PTBP1: variants seen among roughly 807,000 people sequenced by gnomAD.
PTBP1 encodes polypyrimidine tract-binding protein 1.
PTBP1 carries 8 observed loss-of-function variants against 59.8 expected under a neutral mutation model. The ratio of observed to expected loss-of-function variants is 0.13; its 90% CI spans 0.08 to 0.24. PTBP1 has a LOEUF of 0.24. Ranked by LOEUF, PTBP1 falls within the 10% of genes least tolerant of loss-of-function variation. The probability of loss-of-function intolerance (pLI) is 1.00; values close to 1 mark genes in which losing one functional copy is unlikely to be tolerated. For synonymous variants in PTBP1, 490 were observed against 320.7 expected (o/e 1.53, Z -5.64); for missense variants, 686 against 767.0 (o/e 0.89, Z 1.25).
rs2034858396 is a variant in PTBP1, at chr19:811,315, C to G, written c.*489C>G. The G allele has an allele frequency of 1.3e-5, 2 of 152,698 alleles. No homozygotes were observed. The highest frequency in any genetic ancestry group is 4.8e-5 in the African/African-American group (2 of 41,474). The allele number at this position is 152,698 out of a possible 1,614,324, so 9.5% of individuals were successfully genotyped here. A position where few individuals can be genotyped will look rare whatever the true frequency, so the allele number is the denominator to read the frequency against. The stretch of plus-strand genomic sequence containing the variant: ...GCGGCCGCGGCTGCGACACCCCAAC[C>G]CCAGCCCTCTAATCAAGTCACGTGA... On this transcript the variant is annotated 3_prime_UTR_variant, in exon 15 of 15. Transcript: ENST00000356948.
At position 798,260 on chromosome 19, in the gene PTBP1, G is replaced by A. The variant is rs141287661; in HGVS notation, c.8+755G>A. On this transcript the variant is annotated intron_variant, in intron 1 of 14. Coordinates refer to ENST00000356948, the MANE Select transcript of PTBP1 (RefSeq NM_002819.5). ...GAGGGGCCTTCCCGGCTCTCGGGCC[G>A]GGGCAGCCTTTCCGGGCGGCTTTGC... Among the ~76,000 whole-genome samples, 629 of 152,174 alleles carry A rather than the reference G, an allele frequency of 4.1e-3. 6 individuals are homozygous for A. Among genetic ancestry groups the A allele is most frequent in the African/African-American group, 0.015 (603 of 41,542 alleles).
At position 804,527 on chromosome 19, in the gene PTBP1, C is replaced by A. The variant is rs766202726; in HGVS notation, c.436-5C>A. The A allele has an allele frequency of 6.2e-7, 1 of 1,600,102 alleles. No homozygotes were observed. The highest frequency in any genetic ancestry group is 8.5e-7 in the Non-Finnish European group (1 of 1,175,808). On this transcript the variant is annotated splice_region_variant and splice_polypyrimidine_tract_variant and intron_variant, in intron 5 of 14. Transcript: ENST00000356948. Reference sequence around the variant, plus strand: ...GCCGGGGACTCACGGCTGTGCCTCCCACAGCGGGCCCAGGCGGCCCTGCAG... The same window carrying A: ...GCCGGGGACTCACGGCTGTGCCTCCAACAGCGGGCCCAGGCGGCCCTGCAG...
Position 806,538 on chromosome 19 carries a change from C to T in PTBP1, c.1101C>T (p.Val367=), listed in dbSNP as rs969523272. 17 of 1,539,260 alleles carry T rather than the reference C, an allele frequency of 1.1e-5. No homozygotes were observed. The highest frequency in any genetic ancestry group is 1.7e-4 in the Middle Eastern group (1 of 5,778). The change falls in exon 10 of 15, where the codon GTC becomes GTT. Residue 367 remains valine (V), a synonymous_variant. Transcript: ENST00000356948. ...GGGCAGGAAATTCTGTATTGCTGGT[C>T]AGCAACCTCAACCCAGAGGTACGTG... The part of the protein sequence containing the change: ...LAGAGNSVLL[V]SNLNPERVTP...
rs764049662 is a variant in PTBP1 at position 803,640 on chromosome 19, A to T, written c.115+4A>T. 6.2e-7 allele frequency: 1 copy of T among 1,613,850 alleles called. No individual in the cohort carries two copies. The highest frequency in any genetic ancestry group is 1.3e-5 in the African/African-American group (1 of 75,040). ...AGCAGCAACTCGGCTTCTGCAGGTA[A>T]GGCCGGGACTCGGCCCAGGGCAAGA... On this transcript the variant is annotated splice_donor_region_variant and intron_variant, in intron 3 of 14. Coordinates refer to ENST00000356948, the MANE Select transcript of PTBP1 (RefSeq NM_002819.5).
intron 1 of PTBP1, among the ~76,000 whole-genome samples, chr19:799,027 C>T (rs1055969329): frequency 1.3e-5 from 2 of 152,258 alleles, no homozygotes; most frequent in Non-Finnish European, 2.9e-5. Flanking sequence ...CCAGTTTCAG[C>T]CTCTCCGAGG....
Position 804,293 on chromosome 19 carries a change from C to T in PTBP1, c.290C>T (p.Ala97Val). 6.2e-7 allele frequency: 1 copy of T among 1,613,670 alleles called. No homozygotes were observed. Among genetic ancestry groups the T allele is most frequent in the Non-Finnish European group, 8.5e-7 (1 of 1,179,894 alleles). ...NLLMLKGKNQ[A>V]FIEMNTEEAA... is the part of the protein sequence containing the mutation. ...CAGCGCTCACTGCCTCCCCAACAGG[C>T]CTTCATCGAGATGAACACGGAGGAG... The change falls in exon 5 of 15, where the codon GCC becomes GTC. Residue 97 changes from alanine to valine, a missense_variant and splice_region_variant. Physicochemically the swap from Ala to Val is moderately conservative, Grantham distance 64. Coordinates refer to ENST00000356948, the MANE Select transcript of PTBP1 (RefSeq NM_002819.5).
rs776215207 is a variant in PTBP1 at position 810,740 on chromosome 19, G to T, written c.1588G>T (p.Ala530Ser). 6.2e-7 allele frequency: 1 copy of T among 1,608,812 alleles called. No individual in the cohort carries two copies. Among genetic ancestry groups the T allele is most frequent in the Admixed American group, 1.7e-5 (1 of 58,668 alleles). The stretch of plus-strand genomic sequence containing the variant: ...GATCCAGATGGGCTCCGTGGAGGAG[G>T]CGGTCCAGGCCCTCATTGACCTGCA... Reference protein sequence around the residue: ...ALIQMGSVEEAVQALIDLHNH... With the variant: ...ALIQMGSVEESVQALIDLHNH... The change falls in exon 15 of 15, where the codon GCG becomes TCG. Residue 530 changes from alanine to serine, a missense_variant. By Grantham distance (99) the Ala-to-Ser change is moderately conservative (BLOSUM62 1). Transcript: ENST00000356948.
chr19:809,574 C>A (rs778299435), intron 13 of PTBP1, among the ~76,000 whole-genome samples: 3 of 152,146 alleles, frequency 2.0e-5, no homozygotes, highest in African/African-American at 4.8e-5. Context: ...CCCGCCTCGG[C>A]CTCCCAAAGT....
Position 811,118 on chromosome 19 carries a change from C to T in PTBP1, c.*292C>T, listed in dbSNP as rs2034844876. Reference sequence around the variant, plus strand: ...GTGGGGCCTGTGTCGGGCGTGGGGCCTGCAGGTGGGCGCCCCGACCACGAC... The same window carrying T: ...GTGGGGCCTGTGTCGGGCGTGGGGCTTGCAGGTGGGCGCCCCGACCACGAC... On this transcript the variant is annotated 3_prime_UTR_variant, in exon 15 of 15. Coordinates refer to ENST00000356948, the MANE Select transcript of PTBP1 (RefSeq NM_002819.5). 1.7e-5 allele frequency: 5 copies of T among 300,118 alleles called. No individual in the cohort carries two copies. The highest frequency in any genetic ancestry group is 6.1e-6 in the Non-Finnish European group (1 of 163,968). The allele number at this position is 300,118 out of a possible 1,614,324, so 18.6% of individuals were successfully genotyped here. A position where few individuals can be genotyped will look rare whatever the true frequency, so the allele number is the denominator to read the frequency against.
At chr19:800,656 T>C (rs1312764041) in intron 2 of PTBP1, among the ~76,000 whole-genome samples, 1 of 152,218 alleles carries the variant, frequency 6.6e-6, no homozygotes, top group Admixed American at 6.5e-5. Context: ...CTGCTGTCTT[T>C]ACGCGCTGCC....
Position 802,709 on chromosome 19 carries a change from C to G in PTBP1, c.40-852C>G, listed in dbSNP as rs1034802483. Among the ~76,000 whole-genome samples, 5 of 152,200 alleles carry G rather than the reference C, an allele frequency of 3.3e-5. 1 individual carries two copies. Among genetic ancestry groups the G allele is most frequent in the Admixed American group, 2.6e-4 (4 of 15,282 alleles). ...CTTTGTTTTCTGTGTAACTAAGGGC[C>G]GTAACCAACGTCTCCTCCAATTTCA... is the stretch of plus-strand genomic sequence containing the variant. On this transcript the variant is annotated intron_variant, in intron 2 of 14. Transcript: ENST00000356948.
Position 806,420 on chromosome 19 carries a change from C to G in PTBP1, c.983C>G (p.Pro328Arg), listed in dbSNP as rs746526932. The G allele has an allele frequency of 1.9e-5, 31 of 1,602,740 alleles. No individual in the cohort carries two copies. Among genetic ancestry groups the G allele is most frequent in the Non-Finnish European group, 2.5e-5 (29 of 1,175,034 alleles). ...AIPQAAGLSV[P>R]NVHGALAPLA... Reference sequence around the variant, plus strand: ...CCTGCTTTTCCAGGCCTTTCCGTTCCGAACGTCCACGGCGCCCTGGCCCCC... The same window carrying G: ...CCTGCTTTTCCAGGCCTTTCCGTTCGGAACGTCCACGGCGCCCTGGCCCCC... The change falls in exon 10 of 15, where the codon CCG becomes CGG. Residue 328 changes from proline (P) to arginine (R), a missense_variant. Pro to Arg is a moderately radical substitution (Grantham distance 103). Coordinates refer to ENST00000356948, the MANE Select transcript of PTBP1 (RefSeq NM_002819.5).
intron 8 of PTBP1, 145 bp from the exon 9 acceptor site, chr19:805,347 C>T (rs2034515998): frequency 4.2e-6 from 5 of 1,189,652 alleles, no homozygotes; most frequent in Non-Finnish European, 6.0e-6. Flanking sequence ...CACGTCGGGA[C>T]CACGGCCCCC....
At chr19:802,385 G>C (rs979415738) in intron 2 of PTBP1, among the ~76,000 whole-genome samples, 3 of 151,846 alleles carry the variant, frequency 2.0e-5, no homozygotes, top group Non-Finnish European at 4.4e-5. Context: ...CAGCGTTGGT[G>C]GGGGCTCTTT....
In PTBP1 at chr19:810,856, G is replaced by A. The variant is rs867069330; in HGVS notation, c.*30G>A. ...ACAGGCCCCCACGGCCGGGCCCCCTGGCGACAACTTCCATCATTCCAGAGA... is the reference window on the plus strand; with the variant it reads ...ACAGGCCCCCACGGCCGGGCCCCCTAGCGACAACTTCCATCATTCCAGAGA... On this transcript the variant is annotated 3_prime_UTR_variant, in exon 15 of 15. Coordinates refer to ENST00000356948, the MANE Select transcript of PTBP1 (RefSeq NM_002819.5). 5.3e-6 allele frequency: 8 copies of A among 1,502,538 alleles called. No homozygotes were observed. The highest frequency in any genetic ancestry group is 4.4e-4 in the Middle Eastern group (2 of 4,566). The allele number at this position is 1,502,538 out of a possible 1,614,324, so 93.1% of individuals were successfully genotyped here.
rs1201925796 is a variant in PTBP1 at position 804,352 on chromosome 19, G to A, written c.349G>A (p.Val117Met). ...CACCATGGTGAACTACTACACCTCG[G>A]TGACCCCTGTGCTGCGCGGCCAGCC... ...ANTMVNYYTS[V>M]TPVLRGQPIY... The change falls in exon 5 of 15, where the codon GTG becomes ATG. Residue 117 changes from valine (V) to methionine (M), a missense_variant. Coordinates refer to ENST00000356948, the MANE Select transcript of PTBP1 (RefSeq NM_002819.5). The A allele has an allele frequency of 6.2e-7, 1 of 1,613,242 alleles. No homozygotes were observed. Among genetic ancestry groups the A allele is most frequent in the African/African-American group, 1.3e-5 (1 of 74,934 alleles).
rs377260311 is a variant in PTBP1, at chr19:811,792, C to T, written c.*966C>T. ...CGCCTCCGGTTGCCTTACACCACGC[C>T]TTCACCTGCAGTCGCCTAGAAAACT... On this transcript the variant is annotated 3_prime_UTR_variant, in exon 15 of 15. Transcript: ENST00000356948. 3 of 152,484 alleles carry T rather than the reference C, an allele frequency of 2.0e-5. No individual in the cohort carries two copies. The highest frequency in any genetic ancestry group is 4.4e-5 in the Non-Finnish European group (3 of 68,042). The allele number at this position is 152,484 out of a possible 1,614,324, so 9.4% of individuals were successfully genotyped here.
intron 9 of PTBP1, 119 bp from the exon 10 acceptor site, chr19:806,288 GC>G (rs1187781758): frequency 5.0e-6 from 6 of 1,208,322 alleles, no homozygotes; most frequent in South Asian, 1.7e-5. Context: ...TAGGGCCAGA[GC>G]CAGGGCCGCC....
At position 808,093 on chromosome 19, in the gene PTBP1, A is replaced by G. The variant is rs2034661853; in HGVS notation, c.1153+191A>G. 3.1e-6 allele frequency: 2 copies of G among 651,146 alleles called. No homozygotes were observed. Among genetic ancestry groups the G allele is most frequent in the Non-Finnish European group, 2.7e-6 (1 of 365,664 alleles). 40.3% of individuals were successfully genotyped at this position (651,146 alleles called of 1,614,324 possible). A position where few individuals can be genotyped will look rare whatever the true frequency, so the allele number is the denominator to read the frequency against. ...ACGTACGCATGGTTTATCGCCCTGCATGCTTTTCAGAGTTAGACCTGTCGG... is the reference window on the plus strand; with the variant it reads ...ACGTACGCATGGTTTATCGCCCTGCGTGCTTTTCAGAGTTAGACCTGTCGG... On this transcript the variant is annotated intron_variant, in intron 11 of 14. Coordinates refer to ENST00000356948, the MANE Select transcript of PTBP1 (RefSeq NM_002819.5). This position sits in a 1 kb window ranked among gnomAD's most constrained non-coding sequence, Gnocchi z 4.7.
Sources: allele counts gnomAD v4.1 joint callset (sites outside exome capture counted in the v4.1 genomes callset), GRCh38; gene constraint gnomAD v4.1.1; non-coding constraint Gnocchi (gnomAD v3.1); transcripts MANE v1.5; gene names NCBI Gene and HGNC (gene_info 2026-07-23, HGNC 2026-07-21).